TRPM2: variants seen among roughly 807,000 people sequenced by gnomAD.
The protein encoded by TRPM2 is estrogen-responsive element-associated gene 1 protein.
TRPM2 carries 161 observed loss-of-function variants against 174.0 expected under a neutral mutation model. That is an observed-to-expected ratio of 0.93 (90% confidence interval 0.81 to 1.05). TRPM2 has a LOEUF of 1.05. Ranked by LOEUF, TRPM2 falls within the 50% of genes least tolerant of loss-of-function variation. TRPM2 has a pLI of 0.00. For synonymous variants in TRPM2, 954 were observed against 861.3 expected (o/e 1.11, Z -1.88); for missense variants, 2,057 against 2,038.0 (o/e 1.01, Z -0.18).
Position 44,391,640 on chromosome 21 carries a change from C to G in TRPM2, c.1794+15C>G. On this transcript the variant is annotated intron_variant, in intron 11 of 31. Coordinates refer to ENST00000397928, the MANE Select transcript of TRPM2 (RefSeq NM_003307.4). The surrounding 1 kb of genome is among the most constrained non-coding windows in gnomAD (Gnocchi z 5.0). ...TCAAGCTCAACGTGCGTGCTGGTAA[C>G]GGGGCCCATCCTGGACTCGTCTTCG... The G allele has an allele frequency of 6.4e-7, 1 of 1,557,560 alleles. No homozygotes were observed. Among genetic ancestry groups the G allele is most frequent in the Non-Finnish European group, 8.6e-7 (1 of 1,158,632 alleles).
chr21:44,377,259 G>T (rs368809999), intron 6 of TRPM2, among the ~76,000 whole-genome samples: 1 of 152,200 alleles, frequency 6.6e-6, no homozygotes, highest in African/African-American at 2.4e-5. Context: ...GGGGCTGGGC[G>T]GATGGACACA....
At chr21:44,433,646 A>G (rs956186965) in intron 27 of TRPM2, among the ~76,000 whole-genome samples, 1 of 152,176 alleles carries the variant, frequency 6.6e-6, no homozygotes, top group Non-Finnish European at 1.5e-5. Context: ...ATGTGTTGCC[A>G]GCTCTGTAGC....
chr21:44,380,857 C>T (rs1007401954), intron 8 of TRPM2, among the ~76,000 whole-genome samples: 19 of 152,152 alleles, frequency 1.2e-4, no homozygotes, highest in African/African-American at 3.9e-4. Flanking sequence ...TCGACTCAGA[C>T]GAGGAAACGA....
At position 44,430,630 on chromosome 21, in the gene TRPM2, C is replaced by T. The variant is rs1318424851; in HGVS notation, c.3974+3519C>T. ...ATTTTTAGTAGAGACGGGGTTTCAC[C>T]TTGTTAGCCAGGATGGTCTCGATCT... On this transcript the variant is annotated intron_variant, in intron 27 of 31. Transcript: ENST00000397928. Among the ~76,000 whole-genome samples, 14 of 16,952 alleles carry T rather than the reference C, an allele frequency of 8.3e-4. 6 individuals are homozygous for T. The highest frequency in any genetic ancestry group is 3.5e-3 in the African/African-American group (14 of 4,010). The allele number at this position is 16,952 out of a possible 152,430, so 11.1% of individuals were successfully genotyped here.
intron 9 of TRPM2, among the ~76,000 whole-genome samples, chr21:44,385,289 T>A (rs2048987667): frequency 6.6e-6 from 1 of 152,190 alleles, no homozygotes; most frequent in Non-Finnish European, 1.5e-5. Context: ...AAGCCATATA[T>A]GAAAAACTCC....
chr21:44,431,607 C>G (rs1354050877), intron 27 of TRPM2, among the ~76,000 whole-genome samples: 2 of 152,308 alleles, frequency 1.3e-5, no homozygotes, highest in East Asian at 1.9e-4. Flanking sequence ...TCCCAAGTCA[C>G]TGGAATTACA....
At chr21:44,361,409 G>A (rs555308345) in intron 2 of TRPM2, among the ~76,000 whole-genome samples, 3 of 152,188 alleles carry the variant, frequency 2.0e-5, no homozygotes, top group South Asian at 2.1e-4. Flanking sequence ...TACCACACTC[G>A]GCGTTGTGTC....
At position 44,399,778 on chromosome 21, in the gene TRPM2, C is replaced by T. The variant is rs563348892; in HGVS notation, c.2208+337C>T. ...TCTCCCTGGAGGGATAAGCGGGACA[C>T]GGCGTGTCCTCCCTGGAGCAGCAGG... On this transcript the variant is annotated intron_variant, in intron 14 of 31. Transcript: ENST00000397928. The surrounding 1 kb of genome is among the most constrained non-coding windows in gnomAD (Gnocchi z 4.6). Among the ~76,000 whole-genome samples, 41 of 152,278 alleles carry T rather than the reference C, an allele frequency of 2.7e-4. No homozygotes were observed. The highest frequency in any genetic ancestry group is 1.9e-4 in the East Asian group (1 of 5,162).
chr21:44,366,002 C>A lies in TRPM2; in HGVS notation c.424-752C>A, dbSNP rs766064039. 6.6e-6 allele frequency among the ~76,000 whole-genome samples: 1 copy of A among 152,232 alleles called. No individual in the cohort carries two copies. Among genetic ancestry groups the A allele is most frequent in the South Asian group, 2.1e-4 (1 of 4,832 alleles). On this transcript the variant is annotated intron_variant, in intron 3 of 31. Transcript: ENST00000397928. The surrounding 1 kb of genome is among the most constrained non-coding windows in gnomAD (Gnocchi z 6.0). ...CACCTAATGGCATTTCTGGATTTCACCCATCACCTTTGTGTCTCTGCTAGG... is the reference window on the plus strand; with the variant it reads ...CACCTAATGGCATTTCTGGATTTCAACCATCACCTTTGTGTCTCTGCTAGG...
At chr21:44,365,763 G>A (rs1361446478) in intron 3 of TRPM2, among the ~76,000 whole-genome samples, 1 of 152,146 alleles carries the variant, frequency 6.6e-6, no homozygotes, top group African/African-American at 2.4e-5. Context: ...AGTGAGGGAC[G>A]CCAGGGACAC....
rs1375206820 is a variant in TRPM2 at position 44,364,218 on chromosome 21, A to G, written c.359A>G (p.Gln120Arg). The G allele has an allele frequency of 1.2e-6, 2 of 1,614,256 alleles. No individual in the cohort carries two copies. Residue 120 changes from glutamine to arginine, a missense_variant, in exon 3 of 32, where the codon CAG becomes CGG. Physicochemically the swap from Gln to Arg is conservative, Grantham distance 43 (BLOSUM62 1). Coordinates refer to ENST00000397928, the MANE Select transcript of TRPM2 (RefSeq NM_003307.4). ...GTQWDPKKHV[Q>R]EMPTDAFGDI... is the part of the protein sequence containing the mutation. The stretch of plus-strand genomic sequence containing the variant: ...CAGTGGGACCCAAAGAAACATGTCC[A>G]GGAGATGCCAACCGATGCCTTTGGC...
rs557461691 is a variant in TRPM2 at position 44,439,297 on chromosome 21, C to T, written c.4269+129C>T. On this transcript the variant is annotated intron_variant, in intron 30 of 31. Transcript: ENST00000397928. This position sits in a 1 kb window ranked among gnomAD's most constrained non-coding sequence, Gnocchi z 5.1. ...GGTCCCACCCAGCTTCACCAGGTGA[C>T]GGTGGTCCCAGCCCCTGCCCCCACG... 8.7e-5 allele frequency: 68 copies of T among 784,538 alleles called. 1 individual carries two copies. In the East Asian group the frequency reaches 1.3e-3, roughly 15 times the overall value. The allele number at this position is 784,538 out of a possible 1,614,324, so 48.6% of individuals were successfully genotyped here.
intron 20 of TRPM2, among the ~76,000 whole-genome samples, chr21:44,417,098 G>A (rs1247841328): frequency 8.1e-6 from 1 of 124,098 alleles, no homozygotes; most frequent in Middle Eastern, 5.4e-3. Flanking sequence ...GCTCTCTGTG[G>A]CATCACAGTG....
In TRPM2 at chr21:44,406,530, G is replaced by C. The variant is rs1173076448; in HGVS notation, c.2791-64G>C. ...TGCTGTCTCCACCGCTGCTGGGCCT[G>C]CCTCTGGGCCCAGTGAGCATCGGGG... is the stretch of plus-strand genomic sequence containing the variant. On this transcript the variant is annotated intron_variant, in intron 18 of 31. Coordinates refer to ENST00000397928, the MANE Select transcript of TRPM2 (RefSeq NM_003307.4). 9 of 1,527,978 alleles carry C rather than the reference G, an allele frequency of 5.9e-6. No homozygotes were observed. The African/African-American group carries it at 1.2e-4, about 21-fold the overall frequency. The allele number at this position is 1,527,978 out of a possible 1,614,324, so 94.7% of individuals were successfully genotyped here.
In TRPM2 at chr21:44,438,311, C is replaced by T. The variant is rs868650728; in HGVS notation, c.4168-756C>T. 6.6e-6 allele frequency among the ~76,000 whole-genome samples: 1 copy of T among 152,180 alleles called. No individual in the cohort carries two copies. Among genetic ancestry groups the T allele is most frequent in the African/African-American group, 2.4e-5 (1 of 41,438 alleles). Reference sequence around the variant, plus strand: ...TCTCTGGCACTTTGGCCTCTCCATGCGGGGTGCGTGGAGTTGGGTTTGGGG... The same window carrying T: ...TCTCTGGCACTTTGGCCTCTCCATGTGGGGTGCGTGGAGTTGGGTTTGGGG... On this transcript the variant is annotated intron_variant, in intron 29 of 31. Coordinates refer to ENST00000397928, the MANE Select transcript of TRPM2 (RefSeq NM_003307.4). The surrounding 1 kb of genome is among the most constrained non-coding windows in gnomAD (Gnocchi z 5.9).
chr21:44,372,533 C>T (rs999885658), intron 5 of TRPM2, among the ~76,000 whole-genome samples: 1 of 152,186 alleles, frequency 6.6e-6, no homozygotes, highest in Non-Finnish European at 1.5e-5. Flanking sequence ...ATCATCAGCT[C>T]AAAAGTCCCA....
chr21:44,380,340 G>T (rs2048841896), intron 8 of TRPM2, among the ~76,000 whole-genome samples: 1 of 152,240 alleles, frequency 6.6e-6, no homozygotes, highest in African/African-American at 2.4e-5. Flanking sequence ...TGGTCCGGCT[G>T]TGAGCGGCCG....
chr21:44,357,645 C>G (rs896564274), intron 2 of TRPM2, among the ~76,000 whole-genome samples: 7 of 152,202 alleles, frequency 4.6e-5, no homozygotes, highest in Middle Eastern at 3.2e-3. Flanking sequence ...CCACGTGGGC[C>G]CCTCTGCATG....
chr21:44,400,426 G>C, intron 15 of TRPM2, 55 bp downstream of exon 15: 1 of 1,460,128 alleles, frequency 6.8e-7, no homozygotes, highest in Non-Finnish European at 9.4e-7. Flanking sequence ...TGCGGGAGAG[G>C]CTCCTGGGGG....
Sources: allele counts gnomAD v4.1 joint callset (sites outside exome capture counted in the v4.1 genomes callset), GRCh38; gene constraint gnomAD v4.1.1; non-coding constraint Gnocchi (gnomAD v3.1); transcripts MANE v1.5; gene names NCBI Gene and HGNC (gene_info 2026-07-23, HGNC 2026-07-21).